DPF3: variants seen among roughly 807,000 people sequenced by gnomAD.
The protein encoded by DPF3 is zinc finger protein DPF3.
Under a neutral mutation model 56.8 loss-of-function variants are expected in DPF3, and 18 were observed. The observed-to-expected ratio is 0.32, with a 90% confidence interval of 0.22 to 0.47. DPF3 has a LOEUF of 0.47. DPF3 is among the 20% of genes least tolerant of loss of function. DPF3 has a pLI of 1.00. For missense variants in DPF3, 403 were observed against 488.8 expected (o/e 0.82, Z 1.65); for synonymous variants, 188 against 180.2 (o/e 1.04, Z -0.35).
chr14:72,611,015 C>T lies in DPF3; in HGVS notation c.*8282G>A, dbSNP rs564524364. ...CGCACTTTAAAACCAGACTCACAGC[C>T]AAGCCTTGTGTCCCTGACTACCTCC... On this transcript the variant is annotated 3_prime_UTR_variant, in exon 11 of 11. Transcript: ENST00000556509. Among the ~76,000 whole-genome samples the T allele has an allele frequency of 2.1e-4, 32 of 152,234 alleles. No individual in the cohort carries two copies. Among genetic ancestry groups the T allele is most frequent in the Non-Finnish European group, 4.0e-4 (27 of 68,044 alleles).
rs574617408 is a variant in DPF3, at chr14:72,612,243, A to G, written c.*7054T>C. On this transcript the variant is annotated 3_prime_UTR_variant, in exon 11 of 11. Transcript: ENST00000556509. ...ACAAATGCCCCCTAAGCATCTGACCATTCATTGCAAAAGCATGACCCATCT... is the reference window on the plus strand; with the variant it reads ...ACAAATGCCCCCTAAGCATCTGACCGTTCATTGCAAAAGCATGACCCATCT... 2.0e-5 allele frequency among the ~76,000 whole-genome samples: 3 copies of G among 152,250 alleles called. No individual in the cohort carries two copies. The highest frequency in any genetic ancestry group is 2.0e-4 in the Admixed American group (3 of 15,302).
chr14:72,636,984 C>G (rs1885403373), intron 8 of DPF3, among the ~76,000 whole-genome samples: 1 of 152,238 alleles, frequency 6.6e-6, no homozygotes. Flanking sequence ...CTCCACTCCT[C>G]TTAGAGGTTT....
intron 8 of DPF3, among the ~76,000 whole-genome samples, chr14:72,644,265 C>T (rs2153568016): frequency 6.6e-6 from 1 of 152,320 alleles, no homozygotes; most frequent in East Asian, 1.9e-4. Flanking sequence ...CATGCATTTG[C>T]TTCCAAGCCC....
At chr14:72,694,194 T>A (rs1453614242) in intron 6 of DPF3, among the ~76,000 whole-genome samples, 3 of 152,176 alleles carry the variant, frequency 2.0e-5, no homozygotes, top group African/African-American at 7.2e-5. Flanking sequence ...GGGATCATTA[T>A]CTCGGCCCCT....
chr14:72,651,768 TCTC>T (rs1885916046), intron 8 of DPF3, among the ~76,000 whole-genome samples: 1 of 152,078 alleles, frequency 6.6e-6, no homozygotes, highest in African/African-American at 2.4e-5. Flanking sequence ...TCTTTTTTGC[TCTC>T]CTCCTGACAG....
intron 2 of DPF3, among the ~76,000 whole-genome samples, chr14:72,759,329 T>C (rs1165813677): frequency 2.6e-5 from 4 of 152,204 alleles, no homozygotes; most frequent in East Asian, 1.9e-4. Context: ...TCAAACAGCC[T>C]AATATATGTG....
Position 72,611,259 on chromosome 14 carries a change from C to T in DPF3, c.*8038G>A, listed in dbSNP as rs796462036. On this transcript the variant is annotated 3_prime_UTR_variant, in exon 11 of 11. Transcript: ENST00000556509. ...ACTCAAAGCTGAAATCTGGCTGTGACACGTGTGGAGAAAAGGAAAGATGAA... is the reference window on the plus strand; with the variant it reads ...ACTCAAAGCTGAAATCTGGCTGTGATACGTGTGGAGAAAAGGAAAGATGAA... Among the ~76,000 whole-genome samples, 12 of 152,332 alleles carry T rather than the reference C, an allele frequency of 7.9e-5. No homozygotes were observed. The highest frequency in any genetic ancestry group is 2.9e-4 in the African/African-American group (12 of 41,570).
chr14:72,717,953 T>G (rs1889000100), intron 5 of DPF3, among the ~76,000 whole-genome samples: 1 of 152,228 alleles, frequency 6.6e-6, no homozygotes, highest in African/African-American at 2.4e-5. Flanking sequence ...TGGCCACAGT[T>G]GATTGGCTGG....
At chr14:72,876,168 A>G (rs1282766270) in intron 1 of DPF3, among the ~76,000 whole-genome samples, 1 of 152,224 alleles carries the variant, frequency 6.6e-6, no homozygotes, top group Non-Finnish European at 1.5e-5. Context: ...CAGCGTTGCA[A>G]ATCGGCCCTT....
rs1291093048 is a variant in DPF3 at position 72,756,896 on chromosome 14, AG to A, written c.194-3526del. Among the ~76,000 whole-genome samples the A allele has an allele frequency of 3.0e-4, 31 of 104,318 alleles. 1 individual carries two copies. Among genetic ancestry groups the A allele is most frequent in the African/African-American group, 1.3e-3 (26 of 20,526 alleles). 68.4% of individuals were successfully genotyped at this position (104,318 alleles called of 152,430 possible). A position where few individuals can be genotyped will look rare whatever the true frequency, so the allele number is the denominator to read the frequency against. On this transcript the variant is annotated intron_variant, in intron 2 of 10. Coordinates refer to ENST00000556509, the MANE Select transcript of DPF3 (RefSeq NM_001280542.3). ...AGGAAGGAAAGAAGGAAAGAAAGAAAGAAAAGAAAAAAAGAAAGAAAGAAAG... is the reference window on the plus strand; with the variant it reads ...AGGAAGGAAAGAAGGAAAGAAAGAAAAAAAGAAAAAAAGAAAGAAAGAAAG...
intron 3 of DPF3, among the ~76,000 whole-genome samples, chr14:72,748,484 A>AG (rs970576138): frequency 2.8e-4 from 42 of 152,330 alleles, no homozygotes; most frequent in African/African-American, 9.9e-4. Context: ...GAAAAAAAAA[A>AG]TCCATTTTCT....
intron 7 of DPF3, among the ~76,000 whole-genome samples, chr14:72,691,628 G>A (rs776571304): frequency 6.6e-6 from 1 of 152,086 alleles, no homozygotes; most frequent in African/African-American, 2.4e-5. Context: ...TTGGGAGGCT[G>A]AGGCAGGAGA....
intron 1 of DPF3, among the ~76,000 whole-genome samples, chr14:72,815,696 T>C (rs1883254398): frequency 6.6e-6 from 1 of 152,210 alleles, no homozygotes; most frequent in African/African-American, 2.4e-5. Context: ...CTATTGCTAC[T>C]CTAACAAATT....
chr14:72,641,230 G>C (rs1052202553), intron 8 of DPF3, among the ~76,000 whole-genome samples: 1 of 152,210 alleles, frequency 6.6e-6, no homozygotes, highest in African/African-American at 2.4e-5. Flanking sequence ...GCAGCGCAGA[G>C]AGAAGAACTC....
chr14:72,860,875 T>C (rs1885369161), intron 1 of DPF3, among the ~76,000 whole-genome samples: 1 of 152,206 alleles, frequency 6.6e-6, no homozygotes, highest in Non-Finnish European at 1.5e-5. Context: ...AGCTTAATTC[T>C]TTTAATTGAA....
intron 1 of DPF3, among the ~76,000 whole-genome samples, chr14:72,779,853 G>T (rs189392258): frequency 6.6e-6 from 1 of 152,132 alleles, no homozygotes; most frequent in Non-Finnish European, 1.5e-5. Context: ...TGAGGCTGTC[G>T]GGGACCCACT....
intron 8 of DPF3, chr14:72,671,366 C>T (rs1394628616): frequency 1.9e-6 from 3 of 1,612,596 alleles, no homozygotes; most frequent in African/African-American, 2.7e-5. Flanking sequence ...TATATCAGCA[C>T]ATGGGTTAAG....
At chr14:72,649,021 G>A (rs1392977081) in intron 8 of DPF3, among the ~76,000 whole-genome samples, 1 of 151,936 alleles carries the variant, frequency 6.6e-6, no homozygotes, top group East Asian at 1.9e-4. Context: ...CCCCTTCTTG[G>A]TCTTCTTTGC....
At chr14:72,736,456 T>C (rs1889898119) in intron 3 of DPF3, among the ~76,000 whole-genome samples, 1 of 152,198 alleles carries the variant, frequency 6.6e-6, no homozygotes, top group Admixed American at 6.5e-5. Context: ...TTCTTAATGT[T>C]GTCCACGTAA....
Sources: gnomAD v4.1 joint callset for allele counts (sites outside exome capture counted in the v4.1 genomes callset) on GRCh38, gnomAD v4.1.1 for gene constraint, MANE v1.5 for transcripts, NCBI Gene and HGNC (gene_info 2026-07-23, HGNC 2026-07-21) for gene names.